The following LRRC4C variants were observed in gnomAD, a reference collection of about 807,000 sequenced individuals.
The protein encoded by LRRC4C is leucine-rich repeat-containing protein 4C.
LRRC4C carries 5 observed loss-of-function variants against 33.6 expected under a neutral mutation model. That is an observed-to-expected ratio of 0.15 (90% CI 0.08 to 0.31). The LOEUF (loss-of-function observed/expected upper bound fraction) is 0.31. Among genes scored for constraint, LRRC4C ranks in the 10% least tolerant of loss-of-function variants. The pLI, the probability that LRRC4C is intolerant of heterozygous loss-of-function variation, is 1.00. For synonymous variants in LRRC4C, 329 were observed against 302.0 expected, an observed-to-expected ratio of 1.09 and a Z score of -0.93; for missense variants, 560 against 796.7, an observed-to-expected ratio of 0.70 and a Z score of 3.58.
At chr11:40,292,849 G>A (rs1175067894) in intron 4 of LRRC4C, 1 of 151,976 alleles carries the variant, frequency 6.6e-6, no homozygotes, top group Non-Finnish European at 1.5e-5. Flanking sequence ...TTTATCCATT[G>A]CGTTCGGTTC....
intron 1 of LRRC4C, among the ~76,000 whole-genome samples, chr11:41,245,465 C>T (rs1037658400): frequency 6.6e-6 from 1 of 152,180 alleles, no homozygotes; most frequent in Non-Finnish European, 1.5e-5. Flanking sequence ...CGGGTACTGG[C>T]TCCCTGCGAG....
chr11:40,698,861 G>T (rs1010627005), intron 2 of LRRC4C, among the ~76,000 whole-genome samples: 1 of 152,084 alleles, frequency 6.6e-6, no homozygotes, highest in African/African-American at 2.4e-5. Flanking sequence ...CTCTTGAGAC[G>T]TATTCACTAC....
intron 3 of LRRC4C, among the ~76,000 whole-genome samples, chr11:40,380,332 C>G (rs1948818284): frequency 6.6e-6 from 1 of 152,100 alleles, no homozygotes; most frequent in Non-Finnish European, 1.5e-5. Flanking sequence ...TGTTCTTGAA[C>G]TGGTTTTCAG....
intron 3 of LRRC4C, among the ~76,000 whole-genome samples, chr11:40,592,659 C>CTAG (rs746836659): frequency 1.3e-5 from 2 of 151,910 alleles, no homozygotes; most frequent in Non-Finnish European, 2.9e-5. Flanking sequence ...AAATGGCAGA[C>CTAG]TAGGGACCTA....
chr11:40,377,470 G>C (rs747216160), intron 3 of LRRC4C, among the ~76,000 whole-genome samples: 1 of 152,038 alleles, frequency 6.6e-6, no homozygotes, highest in Non-Finnish European at 1.5e-5. Context: ...ATTTCTTTAC[G>C]TGTCACATAC....
At chr11:40,365,714 AC>A (rs1186237932) in intron 3 of LRRC4C, among the ~76,000 whole-genome samples, 4 of 152,200 alleles carry the variant, frequency 2.6e-5, no homozygotes, top group Admixed American at 2.6e-4. Context: ...ATGATGCAGA[AC>A]AAAAATGCCA....
chr11:40,894,075 T>A (rs758015564), intron 2 of LRRC4C, among the ~76,000 whole-genome samples: 1 of 152,168 alleles, frequency 6.6e-6, no homozygotes, highest in African/African-American at 2.4e-5. Context: ...GTTTGTTAAT[T>A]GAATTCTTAG....
In LRRC4C at chr11:40,116,145, C is replaced by A; in HGVS notation, c.148G>T (p.Val50Leu). ...CTGAACTGGTTGCTGCAGGAGCACA[C>A]AGAAGGGCAGGTCTGAGCCCGCACC... ...GLVRAQTCPS[V>L]CSCSNQFSKV... Residue 50 changes from valine to leucine, a missense_variant, in exon 7 of 7, where the codon GTG becomes TTG. By Grantham distance (32) the Val-to-Leu change is conservative (BLOSUM62 1). Around this residue, in one of 3 missense-constraint regions of LRRC4C, gnomAD observed 455 missense variants for 643.8 expected, o/e 0.71. Transcript: ENST00000528697. 1 of 1,613,924 alleles carries A rather than the reference C, an allele frequency of 6.2e-7. No homozygotes were observed. The highest frequency in any genetic ancestry group is 2.2e-5 in the East Asian group (1 of 44,844).
chr11:41,318,889 C>T (rs1206803316), intron 1 of LRRC4C, among the ~76,000 whole-genome samples: 1 of 152,208 alleles, frequency 6.6e-6, no homozygotes, highest in Non-Finnish European at 1.5e-5. Context: ...CACTCAGAAT[C>T]TGCCACTAAT....
At chr11:40,185,704 G>C (rs1861348567) in intron 5 of LRRC4C, among the ~76,000 whole-genome samples, 2 of 152,130 alleles carry the variant, frequency 1.3e-5, no homozygotes, top group South Asian at 4.1e-4. Context: ...CAAAGAAAGA[G>C]CACGAGAGGG....
At chr11:40,302,463 T>C (rs185245776) in intron 4 of LRRC4C, among the ~76,000 whole-genome samples, 6 of 152,292 alleles carry the variant, frequency 3.9e-5, no homozygotes, top group Admixed American at 3.9e-4. Context: ...TTGACCTCTA[T>C]GGGTAAAGAA....
At chr11:40,284,109 A>G (rs990981100) in intron 4 of LRRC4C, among the ~76,000 whole-genome samples, 3 of 152,226 alleles carry the variant, frequency 2.0e-5, no homozygotes, top group Admixed American at 6.5e-5. Flanking sequence ...GTTTGTGTAC[A>G]GAGGACAGGG....
At chr11:40,488,998 C>G (rs1376200579) in intron 3 of LRRC4C, among the ~76,000 whole-genome samples, 1 of 152,056 alleles carries the variant, frequency 6.6e-6, no homozygotes, top group African/African-American at 2.4e-5. Context: ...GGGATAAATT[C>G]CTGGTGCTGC....
At chr11:40,258,687 T>A (rs554303998) in intron 4 of LRRC4C, among the ~76,000 whole-genome samples, 1 of 152,304 alleles carries the variant, frequency 6.6e-6, no homozygotes, top group Admixed American at 6.5e-5. Context: ...TATAATTACA[T>A]TTGACTCTAA....
At chr11:40,432,921 A>C (rs1950992935) in intron 3 of LRRC4C, among the ~76,000 whole-genome samples, 1 of 152,186 alleles carries the variant, frequency 6.6e-6, no homozygotes, top group Non-Finnish European at 1.5e-5. Context: ...ATGAATGTAA[A>C]ATCAATAAGT....
intron 1 of LRRC4C, among the ~76,000 whole-genome samples, chr11:41,103,751 A>G (rs1320816535): frequency 6.6e-6 from 1 of 151,976 alleles, no homozygotes; most frequent in Non-Finnish European, 1.5e-5. Context: ...AGCTATAGGA[A>G]TCAAGAGAGT....
chr11:40,313,193 C>T (rs1052229282), intron 4 of LRRC4C, among the ~76,000 whole-genome samples: 1 of 151,948 alleles, frequency 6.6e-6, no homozygotes, highest in African/African-American at 2.4e-5. Context: ...GTTTTTACTC[C>T]TCGCCTCCTC....
intron 5 of LRRC4C, among the ~76,000 whole-genome samples, chr11:40,227,051 T>C (rs2135972487): frequency 6.6e-6 from 1 of 152,286 alleles, no homozygotes; most frequent in East Asian, 1.9e-4. Flanking sequence ...GGTGCCAGAA[T>C]ATGATATTAA....
At chr11:40,538,217 C>A (rs1956556417) in intron 3 of LRRC4C, among the ~76,000 whole-genome samples, 1 of 152,100 alleles carries the variant, frequency 6.6e-6, no homozygotes. Flanking sequence ...CCGCTCTCAT[C>A]ACTCTGAGTA....
Sources: allele counts gnomAD v4.1 joint callset (sites outside exome capture counted in the v4.1 genomes callset), GRCh38; gene constraint gnomAD v4.1.1; regional missense constraint gnomAD v4.1.1; transcripts MANE v1.5; gene names NCBI Gene and HGNC (gene_info 2026-07-23, HGNC 2026-07-21).